The following DPP4 variants were observed in gnomAD, a reference collection of about 807,000 sequenced individuals.
DPP4 encodes dipeptidyl peptidase 4, also known as ADCP-2.
In DPP4, 93 loss-of-function variants were observed where a neutral mutation model predicts 122.4. The observed-to-expected ratio is 0.76, with a 90% CI of 0.64 to 0.90. DPP4 has a LOEUF of 0.90. Ranked by LOEUF, DPP4 falls within the 40% of genes least tolerant of loss-of-function variation. The pLI is 0.00. For missense variants in DPP4, 914 were observed against 907.3 expected (o/e 1.01, Z -0.09); for synonymous variants, 321 against 302.9 (o/e 1.06, Z -0.62).
At chr2:162,014,320 T>C in intron 19 of DPP4, 76 bp downstream of exon 19, 1 of 1,263,138 alleles carries the variant, frequency 7.9e-7, no homozygotes, top group Non-Finnish European at 1.1e-6. Flanking sequence ...TTTGGCTCCA[T>C]TTTTCAGTAA....
chr2:162,034,290 G>C (rs552814498), intron 9 of DPP4, among the ~76,000 whole-genome samples: 1 of 152,158 alleles, frequency 6.6e-6, no homozygotes, highest in East Asian at 1.9e-4. Context: ...TTTTTAGTGA[G>C]AACACTTTAT....
chr2:162,055,838 T>C (rs1003249588), intron 2 of DPP4, among the ~76,000 whole-genome samples: 1 of 152,236 alleles, frequency 6.6e-6, no homozygotes, highest in Non-Finnish European at 1.5e-5. Flanking sequence ...GCACATTTCC[T>C]AGAATAGCAA....
chr2:162,060,797 C>T (rs1420400563), intron 2 of DPP4, among the ~76,000 whole-genome samples: 1 of 152,168 alleles, frequency 6.6e-6, no homozygotes, highest in Non-Finnish European at 1.5e-5. Flanking sequence ...GACTCAGATG[C>T]TTGTCCTCTT....
intron 19 of DPP4, 144 bp downstream of exon 19, chr2:162,014,252 G>A (rs577492192): frequency 1.5e-6 from 1 of 663,150 alleles, no homozygotes; most frequent in Non-Finnish European, 2.6e-6. Context: ...GGGTTTTGTG[G>A]CTGTACAGTG....
chr2:162,009,125 TA>T, intron 21 of DPP4, 115 bp downstream of exon 21: 2 of 1,085,688 alleles, frequency 1.8e-6, no homozygotes, highest in Non-Finnish European at 2.8e-6. Context: ...CCCAGAGACC[TA>T]AGACTTGATA....
In DPP4 at chr2:162,052,887, G is replaced by A. The variant is rs181230682; in HGVS notation, c.95-5386C>T. On this transcript the variant is annotated intron_variant, in intron 2 of 25. Transcript: ENST00000360534. ...TCAGATAGAAATAAAGATCTCATTG[G>A]AACTAGAGAAATGGCCTTTCATACC... 6.8e-3 allele frequency among the ~76,000 whole-genome samples: 1,033 copies of A among 152,278 alleles called. 7 individuals carry two copies. The highest frequency in any genetic ancestry group is 0.011 in the Non-Finnish European group (744 of 68,014).
intron 2 of DPP4, among the ~76,000 whole-genome samples, chr2:162,058,919 C>T (rs1684666123): frequency 1.3e-5 from 2 of 152,152 alleles, no homozygotes; most frequent in South Asian, 2.1e-4. Context: ...AAACTGCTCA[C>T]AAGACTGGAC....
At chr2:161,998,471 A>G (rs1314567856) in intron 23 of DPP4, among the ~76,000 whole-genome samples, 1 of 152,094 alleles carries the variant, frequency 6.6e-6, no homozygotes, top group Non-Finnish European at 1.5e-5. Context: ...ACCCAAATAT[A>G]CAACTGTGCC....
intron 12 of DPP4, among the ~76,000 whole-genome samples, chr2:162,022,394 A>G (rs1683164488): frequency 6.6e-6 from 1 of 152,280 alleles, no homozygotes; most frequent in East Asian, 1.9e-4. Context: ...CTGGGGACAG[A>G]ACCTGTGTTT....
At chr2:162,045,414 T>C in intron 5 of DPP4, 118 bp downstream of exon 5, 1 of 714,462 alleles carries the variant, frequency 1.4e-6, no homozygotes, top group African/African-American at 1.8e-5. Flanking sequence ...TTAATGAGTT[T>C]TAGTGCCTAT....
At chr2:162,013,849 A>T (rs933094369) in intron 19 of DPP4, among the ~76,000 whole-genome samples, 3 of 152,194 alleles carry the variant, frequency 2.0e-5, no homozygotes, top group African/African-American at 7.2e-5. Context: ...TCATATTTGG[A>T]ATTCATGTGA....
intron 2 of DPP4, among the ~76,000 whole-genome samples, chr2:162,053,484 T>G (rs1440892433): frequency 6.6e-6 from 1 of 152,084 alleles, no homozygotes; most frequent in Non-Finnish European, 1.5e-5. Context: ...AAATTTGTGT[T>G]GGGCTGCATT....
intron 5 of DPP4, among the ~76,000 whole-genome samples, chr2:162,040,974 C>G (rs748666170): frequency 5.3e-5 from 8 of 151,928 alleles, no homozygotes; most frequent in Admixed American, 1.3e-4. Flanking sequence ...AGGAGTTTCA[C>G]ATGGTATCAT....
chr2:162,067,908 A>T (rs1203696763), intron 2 of DPP4, among the ~76,000 whole-genome samples: 4 of 152,228 alleles, frequency 2.6e-5, no homozygotes. Context: ...CAGCAGGCTC[A>T]GGGAAGGTTG....
chr2:162,008,579 G>A lies in DPP4; in HGVS notation c.1970C>T (p.Ser657Phe). Residue 657 changes from serine to phenylalanine, a missense_variant, in exon 22 of 26, where the codon TCC (serine) becomes TTC (phenylalanine). Physicochemically the swap from Ser to Phe is radical, Grantham distance 155 (BLOSUM62 -2). Coordinates refer to ENST00000360534, the MANE Select transcript of DPP4 (RefSeq NM_001935.4). ...FKCGIAVAPV[S>F]RWEYYDSVYT... The stretch of plus-strand genomic sequence containing the variant: ...TTACATACCATAGTACTCCCACCGG[G>A]ATACAGGCGCCACGGCTATTCCACA... 6.2e-7 allele frequency: 1 copy of A among 1,613,574 alleles called. No individual in the cohort carries two copies.
intron 2 of DPP4, among the ~76,000 whole-genome samples, chr2:162,054,418 A>G (rs1252032032): frequency 6.6e-6 from 1 of 152,182 alleles, no homozygotes; most frequent in African/African-American, 2.4e-5. Flanking sequence ...TTGGGGGGCT[A>G]TTAGGATGGA....
Position 162,014,398 on chromosome 2 carries a change from A to G in DPP4, c.1635T>C (p.Asp545=), listed in dbSNP as rs1682838808. The part of the protein sequence containing the change: ...DKSKKYPLLL[D]VYAGPCSQKA... ...GCTCCCTTCTCTTGAATACTTACACATCTAATAGTAGAGGATATTTCTTGG... is the reference window on the plus strand; with the variant it reads ...GCTCCCTTCTCTTGAATACTTACACGTCTAATAGTAGAGGATATTTCTTGG... Residue 545 remains aspartate (D), a splice_region_variant and synonymous_variant, in exon 19 of 26, where the codon GAT becomes GAC. Coordinates refer to ENST00000360534, the MANE Select transcript of DPP4 (RefSeq NM_001935.4). 1.9e-6 allele frequency: 3 copies of G among 1,605,472 alleles called. No individual in the cohort carries two copies. The highest frequency in any genetic ancestry group is 2.6e-6 in the Non-Finnish European group (3 of 1,174,336).
At chr2:162,035,043 G>A (rs1683718068) in intron 9 of DPP4, 121 bp downstream of exon 9, 1 of 938,802 alleles carries the variant, frequency 1.1e-6, no homozygotes, top group Admixed American at 2.8e-5. Context: ...ACTTCAGCAA[G>A]AGTAATCACA....
Position 162,005,754 on chromosome 2 carries a change from G to A in DPP4, c.2043C>T (p.Asp681=). ...MGLPTPEDNL[D]HYRNSTVMSR... is the part of the protein sequence containing the mutation. ...GGTCCTCATCTCTTACTCTGTAATG[G>A]TCAAGGTTGTCTTCTGGAGTTGGGA... Residue 681 remains aspartate, a synonymous_variant, in exon 23 of 26, where the codon GAC becomes GAT. Transcript: ENST00000360534. The A allele has an allele frequency of 1.2e-6, 2 of 1,612,764 alleles. No homozygotes were observed. Among genetic ancestry groups the A allele is most frequent in the Non-Finnish European group, 8.5e-7 (1 of 1,179,330 alleles).
Sources: gnomAD v4.1 joint callset for allele counts (sites outside exome capture counted in the v4.1 genomes callset) on GRCh38, gnomAD v4.1.1 for gene constraint, MANE v1.5 for transcripts, NCBI Gene and HGNC (gene_info 2026-07-23, HGNC 2026-07-21) for gene names.